Variants in ATP6V0A4 observed in about 807,000 individuals in gnomAD.
ATP6V0A4 encodes the protein V-type proton ATPase 116 kDa subunit a 4.
In ATP6V0A4, 86 loss-of-function variants were observed where a neutral mutation model predicts 107.3. The observed-to-expected ratio is 0.80, with a 90% CI of 0.67 to 0.96. The LOEUF (loss-of-function observed/expected upper bound fraction) is 0.96. Among genes scored for constraint, ATP6V0A4 ranks in the 40% least tolerant of loss-of-function variants. The pLI is 0.00. For missense variants in ATP6V0A4, 908 were observed against 1,045.6 expected (o/e 0.87, Z 1.81); for synonymous variants, 353 against 381.4 (o/e 0.93, Z 0.87).
At chr7:138,731,239 C>A (rs568722051) in intron 17 of ATP6V0A4, among the ~76,000 whole-genome samples, 1 of 152,168 alleles carries the variant, frequency 6.6e-6, no homozygotes. Context: ...CCAGCCTTTT[C>A]TTTTTCTTAT....
At position 138,773,842 on chromosome 7, in the gene ATP6V0A4, G is replaced by A. The variant is rs1451922172; in HGVS notation, c.-17-2578C>T. On this transcript the variant is annotated intron_variant, in intron 2 of 21. Coordinates refer to ENST00000310018, the MANE Select transcript of ATP6V0A4 (RefSeq NM_020632.3). This position sits in a 1 kb window ranked among gnomAD's most constrained non-coding sequence, Gnocchi z 5.4. Reference sequence around the variant, plus strand: ...CCCAGCTTCCTCCAGGCGGGTCCTGGGTCAGGGTCTGGGGCAGACGGTGGT... The same window carrying A: ...CCCAGCTTCCTCCAGGCGGGTCCTGAGTCAGGGTCTGGGGCAGACGGTGGT... The A allele has an allele frequency of 1.3e-5, 2 of 152,362 alleles. No individual in the cohort carries two copies. The highest frequency in any genetic ancestry group is 2.9e-5 in the Non-Finnish European group (2 of 68,188). 9.4% of individuals were successfully genotyped at this position (152,362 alleles called of 1,614,324 possible). A position where few individuals can be genotyped will look rare whatever the true frequency, so the allele number is the denominator to read the frequency against.
intron 21 of ATP6V0A4, among the ~76,000 whole-genome samples, chr7:138,707,350 A>AATATATATTATCTTATATATATATTTAT (rs1803488536): frequency 3.3e-5 from 3 of 90,394 alleles, no homozygotes; most frequent in South Asian, 2.9e-4. Context: ...TATATATTAT[A>AATATATATTATCTTATATATATATTTAT]ATATATATTA....
intron 10 of ATP6V0A4, among the ~76,000 whole-genome samples, chr7:138,754,033 TTCCATTC>T (rs1806378465): frequency 6.6e-6 from 1 of 152,010 alleles, no homozygotes; most frequent in Non-Finnish European, 1.5e-5. Flanking sequence ...AGAATTTATT[TTCCATTC>T]TCCTCATGAC....
chr7:138,785,996 T>A (rs570835033), intron 2 of ATP6V0A4, among the ~76,000 whole-genome samples, 162 bp downstream of exon 2: 2 of 152,192 alleles, frequency 1.3e-5, no homozygotes, highest in East Asian at 3.9e-4. Flanking sequence ...CTAGATCACG[T>A]CCTAGGACAC....
intron 14 of ATP6V0A4, among the ~76,000 whole-genome samples, chr7:138,741,487 A>T (rs763612520): frequency 2.0e-5 from 3 of 152,212 alleles, no homozygotes; most frequent in Non-Finnish European, 4.4e-5. Flanking sequence ...TAGCTAAGCC[A>T]TCGTGTCTCC....
chr7:138,750,738 AC>A (rs554074211), intron 11 of ATP6V0A4, among the ~76,000 whole-genome samples: 84 of 151,982 alleles, frequency 5.5e-4, no homozygotes, highest in African/African-American at 1.8e-3. Context: ...TCCAGGACGC[AC>A]CCCCGCCCTG....
chr7:138,794,293 T>G (rs1337915007), intron 1 of ATP6V0A4, among the ~76,000 whole-genome samples: 1 of 152,130 alleles, frequency 6.6e-6, no homozygotes, highest in Non-Finnish European at 1.5e-5. Context: ...AGATTTTGGG[T>G]TAACTGGAGA....
intron 8 of ATP6V0A4, among the ~76,000 whole-genome samples, chr7:138,757,684 C>T (rs1806581445): frequency 6.6e-6 from 1 of 152,142 alleles, no homozygotes; most frequent in East Asian, 1.9e-4. Flanking sequence ...TTTAAGCCAG[C>T]AATCCTATTT....
intron 21 of ATP6V0A4, 172 bp from the exon 22 acceptor site, chr7:138,706,889 ATTTTTTTT>A: frequency 4.7e-6 from 1 of 211,714 alleles, no homozygotes; most frequent in Non-Finnish European, 6.3e-6. Flanking sequence ...AATCCTGAGG[ATTTTTTTT>A]TTTTTTTTTT....
intron 2 of ATP6V0A4, among the ~76,000 whole-genome samples, chr7:138,772,275 CAG>C (rs1296947838): frequency 5.9e-5 from 9 of 152,222 alleles, no homozygotes; most frequent in Admixed American, 5.9e-4. Context: ...TATGGAGAAA[CAG>C]ATGAACAAGA....
intron 13 of ATP6V0A4, among the ~76,000 whole-genome samples, chr7:138,745,669 A>AAAAAAAAAAAAAAAAAAAAAAAAAAC (rs1805885225): frequency 1.4e-5 from 2 of 141,386 alleles, no homozygotes; most frequent in South Asian, 2.4e-4. Context: ...AAAAAAAAAA[A>AAAAAAAAAAAAAAAAAAAAAAAAAAC]AAGGCCGGGT....
At chr7:138,795,557 G>A (rs150718837) in intron 1 of ATP6V0A4, among the ~76,000 whole-genome samples, 139 of 152,306 alleles carry the variant, frequency 9.1e-4, no homozygotes, top group African/African-American at 2.7e-3. Context: ...ACATTAAATC[G>A]TTTCCGTTTA....
chr7:138,730,939 A>ATT (rs71169052), intron 17 of ATP6V0A4, among the ~76,000 whole-genome samples: 4 of 135,754 alleles, frequency 2.9e-5, no homozygotes, highest in African/African-American at 8.4e-5. Flanking sequence ...TTCTTTTTTT[A>ATT]TTTTTTTTTT....
intron 5 of ATP6V0A4, among the ~76,000 whole-genome samples, chr7:138,766,427 A>G (rs896857589): frequency 2.0e-5 from 3 of 151,866 alleles, no homozygotes; most frequent in African/African-American, 7.3e-5. Flanking sequence ...GCTGGTCTCG[A>G]ACTCCTGACC....
Position 138,763,097 on chromosome 7 carries a change from C to G in ATP6V0A4, c.292-72G>C, listed in dbSNP as rs1032454935. 4.0e-5 allele frequency: 64 copies of G among 1,585,008 alleles called. No homozygotes were observed. The African/African-American group carries it at 8.4e-4, about 21-fold the overall frequency. ...CATTCCTGAAATACATTACCCACAA[C>G]AGATGACTAAAAAAAATCAAAGGAA... On this transcript the variant is annotated intron_variant, in intron 5 of 21. Transcript: ENST00000310018.
At chr7:138,707,454 T>G (rs1803505909) in intron 21 of ATP6V0A4, among the ~76,000 whole-genome samples, 1 of 139,086 alleles carries the variant, frequency 7.2e-6, no homozygotes, top group South Asian at 2.2e-4. Context: ...CAGGCTGGAG[T>G]GCAATAGTGC....
At chr7:138,730,736 T>C (rs891907373) in intron 17 of ATP6V0A4, among the ~76,000 whole-genome samples, 4 of 152,136 alleles carry the variant, frequency 2.6e-5, no homozygotes, top group African/African-American at 9.7e-5. Flanking sequence ...TCCAAATAAA[T>C]GTTTGTTTAG....
At chr7:138,772,887 A>G (rs1238963823) in intron 2 of ATP6V0A4, among the ~76,000 whole-genome samples, 2 of 152,260 alleles carry the variant, frequency 1.3e-5, no homozygotes, top group East Asian at 3.9e-4. Flanking sequence ...AACAGGTGGC[A>G]GGGAAGGACA....
chr7:138,739,493 C>T (rs770710986), intron 15 of ATP6V0A4, 47 bp downstream of exon 15: 2 of 1,605,974 alleles, frequency 1.2e-6, no homozygotes, highest in Non-Finnish European at 1.7e-6. Flanking sequence ...GAGGTCTCCT[C>T]AAGATAGTTC....
Sources: allele counts gnomAD v4.1 joint callset (sites outside exome capture counted in the v4.1 genomes callset), GRCh38; gene constraint gnomAD v4.1.1; non-coding constraint Gnocchi (gnomAD v3.1); transcripts MANE v1.5; gene names NCBI Gene and HGNC (gene_info 2026-07-23, HGNC 2026-07-21).